Variants in TMBIM4 observed in about 807,000 individuals in gnomAD.
The protein encoded by TMBIM4 is protein lifeguard 4.
Under a neutral mutation model 27.7 loss-of-function variants are expected in TMBIM4, and 28 were observed. The ratio of observed to expected loss-of-function variants is 1.01; its 90% CI spans 0.75 to 1.38. The LOEUF is 1.38. Ranked by LOEUF, TMBIM4 falls within the 40% of genes most tolerant of loss-of-function variation. The pLI is 0.00. For missense variants in TMBIM4, 265 were observed against 277.5 expected (o/e 0.95, Z 0.32); for synonymous variants, 115 against 113.1 (o/e 1.02, Z -0.11).
intron 1 of TMBIM4, among the ~76,000 whole-genome samples, chr12:66,166,202 T>C (rs1383176019): frequency 1.3e-5 from 2 of 152,192 alleles, no homozygotes; most frequent in Non-Finnish European, 2.9e-5. Flanking sequence ...CAGTGGCTTA[T>C]GCCTGTAATC....
chr12:66,167,484 C>T (rs7307195), intron 1 of TMBIM4, among the ~76,000 whole-genome samples: 6,909 of 152,256 alleles, frequency 0.045, 380 homozygotes, highest in African/African-American at 0.13. Flanking sequence ...ATGCCCCACA[C>T]GCATACTTTT....
At chr12:66,156,547 C>A (rs1246493746) in intron 1 of TMBIM4, among the ~76,000 whole-genome samples, 2 of 152,154 alleles carry the variant, frequency 1.3e-5, no homozygotes, top group African/African-American at 4.8e-5. Context: ...TCTTGTCCCA[C>A]CTATTTCTCC....
intron 1 of TMBIM4, chr12:66,169,398 C>G (rs934321077): frequency 2.4e-5 from 14 of 592,682 alleles, no homozygotes; most frequent in Middle Eastern, 2.5e-4. Context: ...CAGCCTAGCA[C>G]AGGACGGTAA....
chr12:66,143,845 A>G (rs1242595459), intron 5 of TMBIM4, among the ~76,000 whole-genome samples: 2 of 152,116 alleles, frequency 1.3e-5, no homozygotes, highest in Non-Finnish European at 2.9e-5. Context: ...AGCTTCCACA[A>G]CCACTTTGGC....
intron 2 of TMBIM4, 80 bp from the exon 3 acceptor site, chr12:66,152,456 T>A: frequency 2.2e-6 from 2 of 924,590 alleles, no homozygotes; most frequent in Non-Finnish European, 3.2e-6. Flanking sequence ...AAAATTTATC[T>A]ATTTTATATG....
intron 1 of TMBIM4, among the ~76,000 whole-genome samples, chr12:66,159,484 C>CT (rs1276605220): frequency 6.6e-6 from 1 of 152,176 alleles, no homozygotes; most frequent in African/African-American, 2.4e-5. Flanking sequence ...AGCATCTTGA[C>CT]TGGAGCCTCA....
intron 1 of TMBIM4, among the ~76,000 whole-genome samples, chr12:66,153,838 G>A (rs1255244278): frequency 2.0e-5 from 3 of 149,558 alleles, no homozygotes; most frequent in East Asian, 1.9e-4. Context: ...GCATATAAAC[G>A]TTAAGTTTTT....
chr12:66,146,240 A>G (rs2051749966), intron 4 of TMBIM4, among the ~76,000 whole-genome samples: 2 of 152,158 alleles, frequency 1.3e-5, no homozygotes, highest in African/African-American at 4.8e-5. Flanking sequence ...GCCAGTTTGG[A>G]GTTCTACAGG....
intron 5 of TMBIM4, among the ~76,000 whole-genome samples, chr12:66,139,287 T>G (rs991317985): frequency 7.9e-5 from 12 of 152,208 alleles, no homozygotes; most frequent in Admixed American, 2.6e-4. Context: ...TTGTTATATA[T>G]AGAGAGTATA....
chr12:66,152,452 T>G, intron 2 of TMBIM4, 76 bp from the exon 3 acceptor site: 1 of 949,904 alleles, frequency 1.1e-6, no homozygotes, highest in Non-Finnish European at 1.5e-6. Context: ...TAATAAAATT[T>G]ATCTATTTTA....
intron 1 of TMBIM4, among the ~76,000 whole-genome samples, chr12:66,166,000 T>A (rs1216555878): frequency 6.6e-6 from 1 of 152,224 alleles, no homozygotes; most frequent in Non-Finnish European, 1.5e-5. Context: ...CCAAATCCAA[T>A]GTCCTCCTAT....
intron 3 of TMBIM4, among the ~76,000 whole-genome samples, chr12:66,148,676 A>T (rs1037696024): frequency 6.6e-6 from 1 of 152,210 alleles, no homozygotes; most frequent in Admixed American, 6.5e-5. Context: ...CCTTAGCAGA[A>T]GCGTGGGCCC....
At chr12:66,165,052 G>A (rs1181038332) in intron 1 of TMBIM4, among the ~76,000 whole-genome samples, 1 of 152,014 alleles carries the variant, frequency 6.6e-6, no homozygotes, top group Non-Finnish European at 1.5e-5. Flanking sequence ...ACAAAACACT[G>A]ATGAAAGAAA....
chr12:66,166,297 CT>C (rs894862897), intron 1 of TMBIM4, among the ~76,000 whole-genome samples: 27 of 151,712 alleles, frequency 1.8e-4, no homozygotes, highest in African/African-American at 6.3e-4. Context: ...AAACCTGTCT[CT>C]TCTAAAAATA....
chr12:66,164,202 G>A (rs753484987), intron 1 of TMBIM4, among the ~76,000 whole-genome samples: 3 of 152,104 alleles, frequency 2.0e-5, no homozygotes, highest in Non-Finnish European at 4.4e-5. Flanking sequence ...TTTTTCCACG[G>A]TAGTAGTTCT....
intron 5 of TMBIM4, among the ~76,000 whole-genome samples, chr12:66,143,536 G>A (rs2051701732): frequency 6.6e-6 from 1 of 152,108 alleles, no homozygotes; most frequent in Admixed American, 6.6e-5. Context: ...GCTGGCACAA[G>A]GCAACTCTAG....
chr12:66,155,922 T>C (rs2051928364), intron 1 of TMBIM4, among the ~76,000 whole-genome samples: 1 of 152,256 alleles, frequency 6.6e-6, no homozygotes, highest in Non-Finnish European at 1.5e-5. Flanking sequence ...TACTAATCTG[T>C]ATTTTTTAGA....
chr12:66,138,691 A>T, intron 6 of TMBIM4, 33 bp downstream of exon 6: 1 of 1,499,240 alleles, frequency 6.7e-7, no homozygotes, highest in Non-Finnish European at 9.0e-7. Flanking sequence ...AGCCAGAATT[A>T]TATTTCAAAT....
chr12:66,139,593 G>C, intron 5 of TMBIM4: 1 of 455,924 alleles, frequency 2.2e-6, no homozygotes, highest in African/African-American at 2.0e-5. Flanking sequence ...CGGTCTCCTT[G>C]AGTTGAGCAG....
Sources: gnomAD v4.1 joint callset for allele counts (sites outside exome capture counted in the v4.1 genomes callset) on GRCh38, gnomAD v4.1.1 for gene constraint, MANE v1.5 for transcripts, NCBI Gene and HGNC (gene_info 2026-07-23, HGNC 2026-07-21) for gene names.